Variants in SENP6 observed in about 807,000 individuals in gnomAD.
The protein encoded by SENP6 is sentrin-specific protease 6.
Under a neutral mutation model 134.5 loss-of-function variants are expected in SENP6, and 41 were observed. The ratio of observed to expected loss-of-function variants is 0.30; its 90% CI spans 0.24 to 0.40. The LOEUF is 0.40. Ranked by LOEUF, SENP6 falls within the 10% of genes least tolerant of loss-of-function variation. The pLI, the probability that SENP6 is intolerant of heterozygous loss-of-function variation, is 1.00. For missense variants in SENP6, 1,248 were observed against 1,312.5 expected (o/e 0.95, Z 0.76); for synonymous variants, 395 against 429.8 (o/e 0.92, Z 1.00).
intron 3 of SENP6, among the ~76,000 whole-genome samples, chr6:75,629,940 TG>T (rs2149835370): frequency 6.6e-6 from 1 of 152,304 alleles, no homozygotes; most frequent in East Asian, 1.9e-4. Flanking sequence ...ATTCCTAAGT[TG>T]TTTACCAAGA....
chr6:75,638,622 ATTTTTTTTTTTTT>A (rs57353168), intron 5 of SENP6, among the ~76,000 whole-genome samples: 1 of 29,864 alleles, frequency 3.3e-5, no homozygotes, highest in South Asian at 1.7e-3. Context: ...ATATATATAT[ATTTTTTTTTTTTT>A]TTTTTTTTTT....
At chr6:75,634,838 G>C in intron 5 of SENP6, 27 bp downstream of exon 5, 1 of 1,402,848 alleles carries the variant, frequency 7.1e-7, no homozygotes, top group Non-Finnish European at 1.0e-6. Context: ...TCTTTGGTTA[G>C]TATATACATG....
intron 1 of SENP6, chr6:75,611,908 T>A (rs1429859132): frequency 6.6e-6 from 1 of 152,240 alleles, no homozygotes; most frequent in Non-Finnish European, 1.5e-5. Context: ...GCTGGGGTGC[T>A]AAGGGAAAGA....
chr6:75,609,096 A>G (rs1452925948), intron 1 of SENP6, among the ~76,000 whole-genome samples: 2 of 150,706 alleles, frequency 1.3e-5, no homozygotes, highest in South Asian at 2.1e-4. Flanking sequence ...CTTGAGGTAT[A>G]GAAGGGTTGT....
At chr6:75,685,960 C>T (rs1773812243) in intron 16 of SENP6, among the ~76,000 whole-genome samples, 1 of 152,158 alleles carries the variant, frequency 6.6e-6, no homozygotes, top group South Asian at 2.1e-4. Flanking sequence ...TCTTCACTTT[C>T]TGTCTCGTTG....
chr6:75,704,347 CA>C (rs1775245000), intron 19 of SENP6, among the ~76,000 whole-genome samples: 1 of 152,128 alleles, frequency 6.6e-6, no homozygotes, highest in Non-Finnish European at 1.5e-5. Flanking sequence ...AACATGTGAG[CA>C]AAGGAATCTG....
chr6:75,670,668 G>C lies in SENP6; in HGVS notation c.1340G>C (p.Cys447Ser). The part of the protein sequence containing the change: ...QSSFDSVILN[C>S]RSIRVGTLFR... ...TCCTTTGACAGTGTCATTTTAAACT[G>C]TCGAAGTATACGAGTAGGAACACTC... The change falls in exon 11 of 24, where the codon TGT becomes TCT. Residue 447 changes from cysteine to serine, a missense_variant. This residue lies in a region of SENP6 where 733 missense variants were observed against 725.4 expected (regional missense o/e 1.01). Coordinates refer to ENST00000447266, the MANE Select transcript of SENP6 (RefSeq NM_015571.4). 6.2e-7 allele frequency: 1 copy of C among 1,613,484 alleles called. No homozygotes were observed. The highest frequency in any genetic ancestry group is 8.5e-7 in the Non-Finnish European group (1 of 1,179,700).
At chr6:75,687,733 A>G (rs897362236) in intron 16 of SENP6, among the ~76,000 whole-genome samples, 4 of 152,278 alleles carry the variant, frequency 2.6e-5, no homozygotes, top group Admixed American at 2.6e-4. Flanking sequence ...GAGGCTGCAG[A>G]ACAGCAAATA....
rs183580167 is a variant in SENP6, at chr6:75,603,805, A to G, written c.52+1229A>G. Among the ~76,000 whole-genome samples the G allele has an allele frequency of 9.1e-4, 138 of 152,270 alleles. 1 individual carries two copies. The highest frequency in any genetic ancestry group is 5.2e-3 in the Admixed American group (79 of 15,296). On this transcript the variant is annotated intron_variant, in intron 1 of 23. Coordinates refer to ENST00000447266, the MANE Select transcript of SENP6 (RefSeq NM_015571.4). Reference sequence around the variant, plus strand: ...TTTTCTTAATTCTTCTTACTTGAGTATAGTAAAGTGAAAAAAAAGTCTTAC... The same window carrying G: ...TTTTCTTAATTCTTCTTACTTGAGTGTAGTAAAGTGAAAAAAAAGTCTTAC...
chr6:75,695,754 T>A (rs770962764), intron 16 of SENP6, 50 bp from the exon 17 acceptor site: 1 of 1,438,342 alleles, frequency 7.0e-7, no homozygotes, highest in African/African-American at 1.5e-5. Flanking sequence ...TAGAAATAAA[T>A]AAAGTGAACT....
chr6:75,647,923 AT>A, intron 7 of SENP6, 122 bp downstream of exon 7: 6 of 584,454 alleles, frequency 1.0e-5, no homozygotes, highest in Admixed American at 3.7e-5. Flanking sequence ...GTAGAAAACC[AT>A]TTTTTTGTAA....
chr6:75,647,663 C>T (rs935609885), intron 6 of SENP6, 68 bp from the exon 7 acceptor site: 9 of 1,019,966 alleles, frequency 8.8e-6, no homozygotes, highest in Non-Finnish European at 1.4e-5. Context: ...TGTAAGTATG[C>T]CATTAACTTT....
intron 6 of SENP6, among the ~76,000 whole-genome samples, chr6:75,641,672 A>C (rs549399609): frequency 6.6e-5 from 10 of 152,296 alleles, no homozygotes; most frequent in Non-Finnish European, 1.5e-4. Context: ...ATTGTTCTAA[A>C]GTGGGTATCC....
At chr6:75,647,429 C>T (rs1033660131) in intron 6 of SENP6, 5 of 214,552 alleles carry the variant, frequency 2.3e-5, no homozygotes. Context: ...ACTTGTTCCA[C>T]GATTGCTGAT....
At chr6:75,642,211 T>G (rs1770082946) in intron 6 of SENP6, among the ~76,000 whole-genome samples, 1 of 152,216 alleles carries the variant, frequency 6.6e-6, no homozygotes, top group Non-Finnish European at 1.5e-5. Context: ...TGCATAAGGA[T>G]ACAGTGATGA....
chr6:75,615,815 C>G (rs1412963231), intron 1 of SENP6, among the ~76,000 whole-genome samples: 2 of 152,134 alleles, frequency 1.3e-5, no homozygotes, highest in Non-Finnish European at 2.9e-5. Flanking sequence ...AGTGGCGAAG[C>G]CTTCTGAGCC....
intron 3 of SENP6, among the ~76,000 whole-genome samples, chr6:75,630,163 G>A (rs1356954534): frequency 6.6e-6 from 1 of 150,892 alleles, no homozygotes; most frequent in African/African-American, 2.4e-5. Flanking sequence ...TCTGCCTCCT[G>A]GGTTCAAGCC....
At position 75,678,504 on chromosome 6, in the gene SENP6, A is replaced by G. The variant is rs1773244454; in HGVS notation, c.1849-79A>G. The stretch of plus-strand genomic sequence containing the variant: ...TTTTAATCCTTTTGCATTGAAAAGC[A>G]TTCTTGCCTTGTGCTTACCCTTTTT... On this transcript the variant is annotated intron_variant, in intron 14 of 23. Transcript: ENST00000447266. 4 of 722,296 alleles carry G rather than the reference A, an allele frequency of 5.5e-6. No homozygotes were observed. In the East Asian group the frequency reaches 1.0e-4, roughly 18 times the overall value. 44.7% of individuals were successfully genotyped at this position (722,296 alleles called of 1,614,324 possible).
At chr6:75,662,493 T>G (rs1163523971) in intron 8 of SENP6, among the ~76,000 whole-genome samples, 1 of 152,186 alleles carries the variant, frequency 6.6e-6, no homozygotes, top group Non-Finnish European at 1.5e-5. Context: ...TTATGAAAAT[T>G]TATTTACAGT....
Sources: allele counts gnomAD v4.1 joint callset (sites outside exome capture counted in the v4.1 genomes callset), GRCh38; gene constraint gnomAD v4.1.1; regional missense constraint gnomAD v4.1.1; transcripts MANE v1.5; gene names NCBI Gene and HGNC (gene_info 2026-07-23, HGNC 2026-07-21).